The following LHFPL3 variants were observed in gnomAD, a reference collection of about 807,000 sequenced individuals.
LHFPL3 encodes LHFPL tetraspan subfamily member 3.
LHFPL3 carries 5 observed loss-of-function variants against 19.3 expected under a neutral mutation model. The observed-to-expected ratio is 0.26, with a 90% CI of 0.14 to 0.54. The LOEUF is 0.54. Ranked by LOEUF, LHFPL3 falls within the 20% of genes least tolerant of loss-of-function variation. LHFPL3 has a pLI of 0.94. For missense variants in LHFPL3, 249 were observed against 307.4 expected, an observed-to-expected ratio of 0.81 and a Z score of 1.42; for synonymous variants, 133 against 126.2, an observed-to-expected ratio of 1.05 and a Z score of -0.36.
chr7:104,815,488 T>G (rs1354253104), intron 2 of LHFPL3, among the ~76,000 whole-genome samples: 4 of 152,196 alleles, frequency 2.6e-5, no homozygotes, highest in Admixed American at 2.6e-4. Context: ...CTTCTGAATG[T>G]GTGTCTTATT....
chr7:104,507,707 C>G (rs1319956836), intron 1 of LHFPL3, among the ~76,000 whole-genome samples: 174 of 127,396 alleles, frequency 1.4e-3, no homozygotes, highest in African/African-American at 2.7e-3. Flanking sequence ...ACAACCTACT[C>G]ATCTGACAAA....
chr7:104,342,120 A>G (rs1302112042), intron 1 of LHFPL3, among the ~76,000 whole-genome samples: 1 of 152,078 alleles, frequency 6.6e-6, no homozygotes, highest in East Asian at 1.9e-4. Context: ...CCATCAGGTC[A>G]TTTTGGTTGT....
intron 2 of LHFPL3, among the ~76,000 whole-genome samples, chr7:104,872,189 T>C (rs936369138): frequency 2.7e-5 from 4 of 150,498 alleles, no homozygotes; most frequent in African/African-American, 9.8e-5. Flanking sequence ...ATACAAAAAT[T>C]ATCTGGGCGT....
chr7:104,352,252 A>ATTATAT (rs1427977682), intron 1 of LHFPL3, among the ~76,000 whole-genome samples: 1 of 151,948 alleles, frequency 6.6e-6, no homozygotes, highest in African/African-American at 2.4e-5. Context: ...AATTATTACT[A>ATTATAT]TTATATTTAT....
chr7:104,449,946 T>C (rs1373153723), intron 1 of LHFPL3, among the ~76,000 whole-genome samples: 1 of 152,242 alleles, frequency 6.6e-6, no homozygotes, highest in Non-Finnish European at 1.5e-5. Context: ...GTCAGTTGTT[T>C]CACACTTCAG....
chr7:104,764,045 A>G (rs747451458), intron 2 of LHFPL3, among the ~76,000 whole-genome samples: 19 of 152,160 alleles, frequency 1.2e-4, no homozygotes, highest in Non-Finnish European at 2.1e-4. Context: ...AACCTACTTC[A>G]TTCTTTCTTC....
At chr7:104,394,707 CT>C (rs750283158) in intron 1 of LHFPL3, among the ~76,000 whole-genome samples, 121 of 143,982 alleles carry the variant, frequency 8.4e-4, no homozygotes, top group Non-Finnish European at 9.7e-4. Flanking sequence ...TCGTCATTTT[CT>C]TTTTTTTTTT....
At chr7:104,667,939 G>A (rs1352665893) in intron 1 of LHFPL3, 5 of 1,613,360 alleles carry the variant, frequency 3.1e-6, no homozygotes, top group Non-Finnish European at 4.2e-6. Flanking sequence ...GATGTGTACA[G>A]GGCGCCTCCA....
intron 1 of LHFPL3, among the ~76,000 whole-genome samples, chr7:104,472,509 G>A (rs1792931626): frequency 6.6e-6 from 1 of 152,034 alleles, no homozygotes; most frequent in African/African-American, 2.4e-5. Flanking sequence ...CACTACTATA[G>A]CATCCTCATG....
At chr7:104,505,230 A>C (rs575377175) in intron 1 of LHFPL3, among the ~76,000 whole-genome samples, 1 of 152,330 alleles carries the variant, frequency 6.6e-6, no homozygotes, top group South Asian at 2.1e-4. Context: ...TAACCAGTGG[A>C]ATTTTTGTCT....
At chr7:104,878,179 A>G (rs1791984896) in intron 2 of LHFPL3, among the ~76,000 whole-genome samples, 1 of 152,140 alleles carries the variant, frequency 6.6e-6, no homozygotes, top group Admixed American at 6.5e-5. Flanking sequence ...AAACAGCCAA[A>G]TGTCTATCAG....
chr7:104,883,437 A>G (rs1792091714), intron 2 of LHFPL3, among the ~76,000 whole-genome samples: 1 of 152,210 alleles, frequency 6.6e-6, no homozygotes, highest in African/African-American at 2.4e-5. Flanking sequence ...AAGTAAGTCT[A>G]TTTTTAGCCC....
intron 1 of LHFPL3, among the ~76,000 whole-genome samples, chr7:104,474,734 T>C (rs1562908914): frequency 6.8e-6 from 1 of 147,160 alleles, no homozygotes; most frequent in Non-Finnish European, 1.5e-5. Context: ...TCAAAGACCC[T>C]GCAGCTTCAG....
At chr7:104,532,656 T>A (rs1794323948) in intron 1 of LHFPL3, among the ~76,000 whole-genome samples, 1 of 152,190 alleles carries the variant, frequency 6.6e-6, no homozygotes, top group Non-Finnish European at 1.5e-5. Flanking sequence ...GGAATTTTGC[T>A]TCTGGAAACA....
intron 1 of LHFPL3, among the ~76,000 whole-genome samples, chr7:104,697,795 C>T (rs1793025868): frequency 6.6e-6 from 1 of 152,140 alleles, no homozygotes; most frequent in East Asian, 1.9e-4. Flanking sequence ...GTTCATGCTT[C>T]CATTTGTGCT....
rs573485077 is a variant in LHFPL3 at position 104,776,267 on chromosome 7, A to G, written c.682+39356A>G. Among the ~76,000 whole-genome samples, 6 of 152,318 alleles carry G rather than the reference A, an allele frequency of 3.9e-5. No homozygotes were observed. The East Asian group carries it at 1.2e-3, about 29-fold the overall frequency. ...ATTTGGAAATACAACACTTTGGCCT[A>G]TTGCCAAATACAGCAATTTCTAGAA... On this transcript the variant is annotated intron_variant, in intron 2 of 2. Coordinates refer to ENST00000424859, the MANE Select transcript of LHFPL3 (RefSeq NM_199000.3).
intron 2 of LHFPL3, among the ~76,000 whole-genome samples, chr7:104,824,785 C>A (rs1260052284): frequency 9.0e-6 from 1 of 111,030 alleles, no homozygotes; most frequent in Non-Finnish European, 1.7e-5. Flanking sequence ...TTATATATTT[C>A]AAACTTCTCT....
intron 1 of LHFPL3, among the ~76,000 whole-genome samples, chr7:104,479,174 T>C (rs1793081671): frequency 6.6e-6 from 1 of 152,082 alleles, no homozygotes; most frequent in Non-Finnish European, 1.5e-5. Flanking sequence ...GAGAAAAGAG[T>C]GGGCTCAGTT....
chr7:104,533,305 A>T (rs1003710275), intron 1 of LHFPL3, among the ~76,000 whole-genome samples: 1 of 151,886 alleles, frequency 6.6e-6, no homozygotes, highest in South Asian at 2.1e-4. Flanking sequence ...TACCTTTTTG[A>T]AATTCTTCAT....
Sources: gnomAD v4.1 joint callset for allele counts (sites outside exome capture counted in the v4.1 genomes callset) on GRCh38, gnomAD v4.1.1 for gene constraint, MANE v1.5 for transcripts, NCBI Gene and HGNC (gene_info 2026-07-23, HGNC 2026-07-21) for gene names.